The following IL18R1 variants were observed in gnomAD, a reference collection of about 807,000 sequenced individuals.
IL18R1 encodes interleukin 18 receptor 1.
In IL18R1, 40 loss-of-function variants were observed where a neutral mutation model predicts 48.5. The ratio of observed to expected loss-of-function variants is 0.82; its 90% CI spans 0.64 to 1.07. IL18R1 has a LOEUF of 1.07. IL18R1 is among the 50% of genes least tolerant of loss of function. IL18R1 has a pLI of 0.00. For missense variants in IL18R1, 596 were observed against 633.7 expected, an observed-to-expected ratio of 0.94 and a Z score of 0.64; for synonymous variants, 232 against 225.9, an observed-to-expected ratio of 1.03 and a Z score of -0.24.
At chr2:102,390,726 G>T (rs778088618) in intron 9 of IL18R1, among the ~76,000 whole-genome samples, 1 of 152,084 alleles carries the variant, frequency 6.6e-6, no homozygotes, top group East Asian at 1.9e-4. Context: ...GAGGTCAGGA[G>T]ATCGAGACCA....
chr2:102,375,926 T>A lies in IL18R1; in HGVS notation c.488T>A (p.Leu163Gln). 6.3e-7 allele frequency: 1 copy of A among 1,591,612 alleles called. No individual in the cohort carries two copies. The highest frequency in any genetic ancestry group is 8.5e-7 in the Non-Finnish European group (1 of 1,173,068). Reference sequence around the variant, plus strand: ...AAACAGAACTGTAAAAAGCTACTACTGGAGAACAATAAAAACCCAACGATA... The same window carrying A: ...AAACAGAACTGTAAAAAGCTACTACAGGAGAACAATAAAAACCCAACGATA... Reference protein sequence around the residue: ...SLYKNCKKLLLENNKNPTIKK... With the variant: ...SLYKNCKKLLQENNKNPTIKK... Residue 163 changes from leucine to glutamine, a missense_variant, in exon 5 of 11, where the codon CTG (leucine) becomes CAG (glutamine). Coordinates refer to ENST00000233957, the MANE Select transcript of IL18R1 (RefSeq NM_003855.5).
chr2:102,373,872 A>G (rs1187231981), intron 4 of IL18R1: 1 of 354,704 alleles, frequency 2.8e-6, no homozygotes, highest in East Asian at 8.2e-5. Flanking sequence ...CGAGGAATCT[A>G]TGTTGCATGC....
chr2:102,386,925 C>T lies in IL18R1; in HGVS notation c.874C>T (p.Leu292=). 6.2e-7 allele frequency: 1 copy of T among 1,613,914 alleles called. No individual in the cohort carries two copies. Among genetic ancestry groups the T allele is most frequent in the Non-Finnish European group, 8.5e-7 (1 of 1,179,802 alleles). ...LRIENIGESN[L]NVLYNCTVAS... Reference sequence around the variant, plus strand: ...AATTGAAAATATTGGTGAAAGCAATCTAAATGTTTTATATAATTGCACTGT... The same window carrying T: ...AATTGAAAATATTGGTGAAAGCAATTTAAATGTTTTATATAATTGCACTGT... Residue 292 remains leucine, a synonymous_variant, in exon 8 of 11, where the codon CTA becomes TTA. Transcript: ENST00000233957.
At chr2:102,375,497 C>A (rs1679521360) in intron 4 of IL18R1, among the ~76,000 whole-genome samples, 1 of 152,058 alleles carries the variant, frequency 6.6e-6, no homozygotes, top group African/African-American at 2.4e-5. Context: ...ATGCATAGTC[C>A]AGAATACACA....
chr2:102,360,817 T>G (rs1161154972), intron 1 of IL18R1, among the ~76,000 whole-genome samples: 1 of 152,240 alleles, frequency 6.6e-6, no homozygotes, highest in Non-Finnish European at 1.5e-5. Flanking sequence ...AATATTTATA[T>G]TCTTCTATGC....
chr2:102,366,579 C>T (rs1251251885), intron 2 of IL18R1, among the ~76,000 whole-genome samples: 1 of 152,196 alleles, frequency 6.6e-6, no homozygotes, highest in South Asian at 2.1e-4. Context: ...TACAGTAGCA[C>T]CCCACTTCTG....
chr2:102,396,395 CA>C (rs1680826952), intron 10 of IL18R1, 135 bp from the exon 11 acceptor site: 2 of 544,628 alleles, frequency 3.7e-6, no homozygotes, highest in Admixed American at 7.3e-5. Flanking sequence ...AAATTAAGAA[CA>C]AATGGTTTGT....
intron 1 of IL18R1, among the ~76,000 whole-genome samples, chr2:102,356,864 T>C (rs1204592946): frequency 3.3e-5 from 5 of 152,192 alleles, no homozygotes; most frequent in African/African-American, 1.2e-4. Flanking sequence ...TTCCAGAGCC[T>C]TTGTCTTTTT....
intron 10 of IL18R1, 48 bp from the exon 11 acceptor site, chr2:102,396,483 C>A: frequency 2.7e-6 from 3 of 1,108,272 alleles, no homozygotes; most frequent in Non-Finnish European, 2.6e-6. Context: ...ATCTCATGTT[C>A]CCCCTTTCAG....
chr2:102,367,862 A>T lies in IL18R1; in HGVS notation c.96A>T (p.Glu32Asp). The change falls in exon 3 of 11, where the codon GAA (glutamate) becomes GAT (aspartate). Residue 32 changes from glutamate (E) to aspartate (D), a missense_variant. By Grantham distance (45) the Glu-to-Asp change is conservative. Around this residue, in one of 3 missense-constraint regions of IL18R1, gnomAD observed 360 missense variants for 339.4 expected, o/e 1.06. Coordinates refer to ENST00000233957, the MANE Select transcript of IL18R1 (RefSeq NM_003855.5). ...CACGTCCCCACATTACTGTGGTTGA[A>T]GGGGAACCTTTCTATCTGAAACATT... ...CTSRPHITVV[E>D]GEPFYLKHCS... 1 of 1,613,830 alleles carries T rather than the reference A, an allele frequency of 6.2e-7. No individual in the cohort carries two copies. The highest frequency in any genetic ancestry group is 8.5e-7 in the Non-Finnish European group (1 of 1,179,758).
chr2:102,394,501 C>T lies in IL18R1; in HGVS notation c.1144C>T (p.Leu382=). The part of the protein sequence containing the change: ...GKTYDAFVSY[L]KECRPENGEE... The stretch of plus-strand genomic sequence containing the variant: ...AACATATGATGCTTTTGTGTCTTAC[C>T]TAAAAGAATGCCGACCTGAAAATGG... The change falls in exon 10 of 11, where the codon CTA becomes TTA. Residue 382 remains leucine (L), a synonymous_variant. Coordinates refer to ENST00000233957, the MANE Select transcript of IL18R1 (RefSeq NM_003855.5). The T allele has an allele frequency of 6.2e-7, 1 of 1,612,904 alleles. No individual in the cohort carries two copies. The highest frequency in any genetic ancestry group is 8.5e-7 in the Non-Finnish European group (1 of 1,179,246).
intron 8 of IL18R1, 92 bp downstream of exon 8, chr2:102,387,092 A>G (rs1379631977): frequency 4.5e-6 from 6 of 1,346,446 alleles, no homozygotes; most frequent in South Asian, 1.3e-5. Context: ...TTTCCACACC[A>G]GAACCCAGCT....
intron 10 of IL18R1, among the ~76,000 whole-genome samples, chr2:102,396,123 T>C (rs1461650498): frequency 6.6e-6 from 1 of 152,256 alleles, no homozygotes; most frequent in East Asian, 1.9e-4. Context: ...GTATAATAGT[T>C]AGAAAAATGT....
intron 3 of IL18R1, among the ~76,000 whole-genome samples, chr2:102,369,475 G>A (rs942435530): frequency 6.6e-6 from 1 of 152,194 alleles, no homozygotes; most frequent in African/African-American, 2.4e-5. Context: ...AAAATGAGGT[G>A]TCCCAGAGTG....
At chr2:102,383,471 T>C (rs182864695) in intron 6 of IL18R1, among the ~76,000 whole-genome samples, 44 of 152,366 alleles carry the variant, frequency 2.9e-4, no homozygotes, top group Admixed American at 9.8e-4. Context: ...AGCTATCTTA[T>C]ATGCATACAC....
chr2:102,364,586 A>T (rs947831162), intron 2 of IL18R1, among the ~76,000 whole-genome samples: 6 of 152,226 alleles, frequency 3.9e-5, no homozygotes, highest in Non-Finnish European at 7.3e-5. Context: ...TAAAATAGAG[A>T]TTGTATTGCA....
intron 10 of IL18R1, among the ~76,000 whole-genome samples, chr2:102,395,393 T>G (rs1680767944): frequency 6.6e-6 from 1 of 152,006 alleles, no homozygotes; most frequent in South Asian, 2.1e-4. Flanking sequence ...TGTATTAATC[T>G]AATATTTATT....
In IL18R1 at chr2:102,394,536, C is replaced by T. The variant is rs1010318503; in HGVS notation, c.1179C>T (p.His393=). 6.2e-7 allele frequency: 1 copy of T among 1,613,110 alleles called. No individual in the cohort carries two copies. Among genetic ancestry groups the T allele is most frequent in the Non-Finnish European group, 8.5e-7 (1 of 1,179,302 alleles). The change falls in exon 10 of 11, where the codon CAC becomes CAT. Residue 393 remains histidine (H), a synonymous_variant. Transcript: ENST00000233957. ...KECRPENGEE[H]TFAVEILPRV... ...GCCGACCTGAAAATGGAGAGGAGCA[C>T]ACCTTTGCTGTGGAGATTTTGCCCA...
chr2:102,395,355 AC>A (rs1244755377), intron 10 of IL18R1, among the ~76,000 whole-genome samples: 5 of 152,012 alleles, frequency 3.3e-5, no homozygotes, highest in Non-Finnish European at 5.9e-5. Context: ...AAAAAAAAAA[AC>A]AAATGTTTGA....
Sources: allele counts gnomAD v4.1 joint callset (sites outside exome capture counted in the v4.1 genomes callset), GRCh38; gene constraint gnomAD v4.1.1; regional missense constraint gnomAD v4.1.1; transcripts MANE v1.5; gene names NCBI Gene and HGNC (gene_info 2026-07-23, HGNC 2026-07-21).